WDFY4: variants seen among roughly 807,000 people sequenced by gnomAD.
The protein encoded by WDFY4 is WD repeat- and FYVE domain-containing protein 4.
Under a neutral mutation model 351.9 loss-of-function variants are expected in WDFY4, and 169 were observed. The ratio of observed to expected loss-of-function variants is 0.48; its 90% confidence interval spans 0.42 to 0.55. The LOEUF (loss-of-function observed/expected upper bound fraction) is 0.55. Among genes scored for constraint, WDFY4 ranks in the 20% least tolerant of loss-of-function variants. WDFY4 has a pLI of 0.00. For missense variants in WDFY4, 3,803 were observed against 3,935.6 expected, an observed-to-expected ratio of 0.97 and a Z score of 0.90; for synonymous variants, 1,622 against 1,574.6, an observed-to-expected ratio of 1.03 and a Z score of -0.71.
chr10:48,812,899 C>G (rs1460136038), intron 30 of WDFY4, among the ~76,000 whole-genome samples: 2 of 152,210 alleles, frequency 1.3e-5, no homozygotes, highest in Non-Finnish European at 2.9e-5. Context: ...CCCTTACTCA[C>G]TCCTCTTTCC....
chr10:48,939,558 A>C (rs1840639017), intron 47 of WDFY4, among the ~76,000 whole-genome samples: 1 of 152,228 alleles, frequency 6.6e-6, no homozygotes, highest in Non-Finnish European at 1.5e-5. Context: ...CATTTGCAAC[A>C]TCTTATTTAA....
chr10:48,752,758 C>T (rs576536772), intron 12 of WDFY4, among the ~76,000 whole-genome samples: 1 of 152,306 alleles, frequency 6.6e-6, no homozygotes, highest in East Asian at 1.9e-4. Context: ...GGGTACACAC[C>T]ACAGTTTGTT....
At chr10:48,733,592 C>T (rs2064542479) in intron 9 of WDFY4, among the ~76,000 whole-genome samples, 1 of 152,200 alleles carries the variant, frequency 6.6e-6, no homozygotes, top group African/African-American at 2.4e-5. Flanking sequence ...AGAGCAGTCC[C>T]TGGACCAGCC....
At chr10:48,954,093 T>C (rs1268012676) in intron 51 of WDFY4, among the ~76,000 whole-genome samples, 1 of 152,216 alleles carries the variant, frequency 6.6e-6, no homozygotes, top group African/African-American at 2.4e-5. Flanking sequence ...GCTTCATCTC[T>C]TAGCAATATT....
intron 12 of WDFY4, among the ~76,000 whole-genome samples, chr10:48,747,138 C>T (rs756957109): frequency 6.6e-6 from 1 of 152,102 alleles, no homozygotes; most frequent in Non-Finnish European, 1.5e-5. Flanking sequence ...TATAGTTTTG[C>T]TGGGTAAACA....
intron 41 of WDFY4, 65 bp from the exon 42 acceptor site, chr10:48,875,024 G>A (rs1002854923): frequency 2.0e-6 from 2 of 1,009,832 alleles, no homozygotes; most frequent in Non-Finnish European, 2.8e-6. Flanking sequence ...TGTGGAATTG[G>A]AGGTGAGTGA....
chr10:48,748,667 T>A (rs1488950575), intron 12 of WDFY4, among the ~76,000 whole-genome samples: 1 of 152,202 alleles, frequency 6.6e-6, no homozygotes, highest in Non-Finnish European at 1.5e-5. Context: ...ATAAGACCCA[T>A]GTTTCATAAA....
intron 12 of WDFY4, among the ~76,000 whole-genome samples, chr10:48,744,795 A>G (rs911915727): frequency 3.4e-5 from 5 of 147,516 alleles, no homozygotes; most frequent in Non-Finnish European, 6.1e-5. Context: ...GTTATTTTGC[A>G]AGCTGATTTT....
chr10:48,861,746 G>T (rs1164156816), intron 39 of WDFY4, among the ~76,000 whole-genome samples: 1 of 152,030 alleles, frequency 6.6e-6, no homozygotes, highest in Admixed American at 6.6e-5. Context: ...TTTGCTATTT[G>T]GGGGATTTTT....
chr10:48,966,649 A>G lies in WDFY4; in HGVS notation c.8560A>G (p.Arg2854Gly). The G allele has an allele frequency of 6.4e-7, 1 of 1,551,688 alleles. No individual in the cohort carries two copies. Among genetic ancestry groups the G allele is most frequent in the Non-Finnish European group, 8.7e-7 (1 of 1,146,974 alleles). Residue 2854 changes from arginine to glycine, a missense_variant, in exon 55 of 62, where the codon AGG becomes GGG. Transcript: ENST00000325239. ...QPFFYSLQSL[R>G]PSQVTVKDMY... ...CTTTTTCTACAGCCTGCAGTCGCTG[A>G]GGCCCTCCCAGGTCACGGTCAAAGG...
intron 20 of WDFY4, among the ~76,000 whole-genome samples, chr10:48,788,279 T>C (rs1465616450): frequency 6.6e-6 from 1 of 152,172 alleles, no homozygotes; most frequent in Non-Finnish European, 1.5e-5. Context: ...TCTGCCTGTC[T>C]TGGCCTCCCA....
rs910872458 is a variant in WDFY4 at position 48,899,886 on chromosome 10, C to T, written c.7438-335C>T. ...AGTTTCTGGTAAGTTGACCCCCTGG[C>T]TCACCCATGCCATAACTCAGAAGTG... On this transcript the variant is annotated intron_variant, in intron 45 of 61. Transcript: ENST00000325239. Among the ~76,000 whole-genome samples the T allele has an allele frequency of 2.0e-5, 3 of 152,252 alleles. No homozygotes were observed. The South Asian group carries it at 6.2e-4, about 32-fold the overall frequency.
chr10:48,899,837 G>A (rs936880828), intron 45 of WDFY4, among the ~76,000 whole-genome samples: 4 of 152,094 alleles, frequency 2.6e-5, no homozygotes, highest in Admixed American at 6.5e-5. Flanking sequence ...CCAGCTGCAC[G>A]CACTGAACTA....
rs192446523 is a variant in WDFY4 at position 48,910,216 on chromosome 10, C to T, written c.7586+8353C>T. 2.1e-5 allele frequency: 28 copies of T among 1,330,868 alleles called. No individual in the cohort carries two copies. In the African/African-American group the frequency reaches 3.8e-4, roughly 18 times the overall value. 82.4% of individuals were successfully genotyped at this position (1,330,868 alleles called of 1,614,324 possible). On this transcript the variant is annotated intron_variant, in intron 47 of 61. Coordinates refer to ENST00000325239, the MANE Select transcript of WDFY4 (RefSeq NM_001394531.1). ...TTTATTCTGTTAGCTGAGTAGTCTT[C>T]AAGATTTTGCCACAGCTACTCTAGG... is the stretch of plus-strand genomic sequence containing the variant.
At chr10:48,698,789 G>A (rs1007927484) in intron 1 of WDFY4, among the ~76,000 whole-genome samples, 21 of 152,296 alleles carry the variant, frequency 1.4e-4, no homozygotes, top group Admixed American at 4.6e-4. Flanking sequence ...TGCTGTATCC[G>A]CCGAGGCTCT....
intron 39 of WDFY4, among the ~76,000 whole-genome samples, chr10:48,844,045 C>A (rs780202756): frequency 8.5e-5 from 13 of 152,268 alleles, no homozygotes; most frequent in African/African-American, 1.2e-4. Flanking sequence ...AGGCCCCCCA[C>A]TCACAGCCGG....
intron 23 of WDFY4, among the ~76,000 whole-genome samples, chr10:48,795,994 G>A (rs2066861948): frequency 6.6e-6 from 1 of 152,168 alleles, no homozygotes; most frequent in African/African-American, 2.4e-5. Context: ...GGTTACGCAT[G>A]TAAAGGACCC....
At position 48,742,979 on chromosome 10, in the gene WDFY4, G is replaced by T; in HGVS notation, c.1890G>T (p.Arg630=). The change falls in exon 12 of 62, where the codon CGG becomes CGT. Residue 630 remains arginine (R), a synonymous_variant. Transcript: ENST00000325239. ...LKLDLLKSLL[R]ILVTPKGRAA... is the part of the protein sequence containing the mutation. ...GCTTGGTGTTTCAGTCTCTGCTCCGGATCCTGGTGACCCCCAAGGGTCGTG... is the reference window on the plus strand; with the variant it reads ...GCTTGGTGTTTCAGTCTCTGCTCCGTATCCTGGTGACCCCCAAGGGTCGTG... 5.2e-6 allele frequency: 8 copies of T among 1,546,502 alleles called. No individual in the cohort carries two copies. The highest frequency in any genetic ancestry group is 1.4e-5 in the African/African-American group (1 of 73,086).
intron 30 of WDFY4, among the ~76,000 whole-genome samples, chr10:48,813,501 A>G (rs1469388039): frequency 6.6e-6 from 1 of 152,208 alleles, no homozygotes; most frequent in African/African-American, 2.4e-5. Context: ...GAGACGGGAA[A>G]TGAACTGCCA....
Sources: gnomAD v4.1 joint callset for allele counts (sites outside exome capture counted in the v4.1 genomes callset) on GRCh38, gnomAD v4.1.1 for gene constraint, MANE v1.5 for transcripts, NCBI Gene and HGNC (gene_info 2026-07-23, HGNC 2026-07-21) for gene names.